HDAC9: variants seen among roughly 807,000 people sequenced by gnomAD.
HDAC9 encodes histone deacetylase 9, also known as MEF-2 interacting transcription repressor (MITR) protein.
In HDAC9, 41 loss-of-function variants were observed where a neutral mutation model predicts 139.4. The observed-to-expected ratio is 0.29, with a 90% CI of 0.23 to 0.38. The LOEUF (loss-of-function observed/expected upper bound fraction) is 0.38. Among genes scored for constraint, HDAC9 ranks in the 10% least tolerant of loss-of-function variants. The probability of loss-of-function intolerance (pLI) is 1.00; values close to 1 mark genes in which losing one functional copy is unlikely to be tolerated. For missense variants in HDAC9, 1,147 were observed against 1,297.0 expected (o/e 0.88, Z 1.78); for synonymous variants, 517 against 476.2 (o/e 1.09, Z -1.12).
intron 21 of HDAC9, among the ~76,000 whole-genome samples, chr7:18,841,934 A>G (rs1001863743): frequency 6.6e-6 from 1 of 152,164 alleles, no homozygotes; most frequent in Non-Finnish European, 1.5e-5. Flanking sequence ...GTTAAAAGAA[A>G]TATTCTTCTT....
At position 18,216,106 on chromosome 7, in the gene HDAC9, C is replaced by CTG. The variant is rs56214633; in HGVS notation, c.25+53780_25+53781dup. Among the ~76,000 whole-genome samples the CTG allele has an allele frequency of 2.7e-3, 396 of 148,036 alleles. 1 individual carries two copies. Among genetic ancestry groups the CTG allele is most frequent in the South Asian group, 0.017 (78 of 4,596 alleles). ...TGTGTGTATGTGTGTGCCTGCGTGT[C>CTG]TGTGTGTGTGTGTGTGTGTGTGTGA... On this transcript the variant is annotated intron_variant, in intron 2 of 12. Coordinates refer to the HDAC9 transcript ENST00000417496.
chr7:18,727,557 C>A (rs1384556814), intron 12 of HDAC9, 23 bp from the exon 13 acceptor site: 1 of 1,568,348 alleles, frequency 6.4e-7, no homozygotes, highest in Non-Finnish European at 8.6e-7. Flanking sequence ...TTTCTTTCTA[C>A]TGTGCTCTTT....
intron 2 of HDAC9, among the ~76,000 whole-genome samples, chr7:18,509,643 G>A (rs1800859714): frequency 6.6e-6 from 1 of 152,010 alleles, no homozygotes; most frequent in Non-Finnish European, 1.5e-5. Context: ...GTCATCACTG[G>A]GGAAAATTCT....
At chr7:18,788,775 C>G (rs550512362) in intron 16 of HDAC9, among the ~76,000 whole-genome samples, 117 of 151,460 alleles carry the variant, frequency 7.7e-4, no homozygotes, top group African/African-American at 2.7e-3. Flanking sequence ...AAAAAAGACC[C>G]AAATATCAAC....
chr7:18,600,689 A>G (rs1335002547), intron 6 of HDAC9, among the ~76,000 whole-genome samples: 1 of 152,180 alleles, frequency 6.6e-6, no homozygotes, highest in Non-Finnish European at 1.5e-5. Context: ...CTTCATAGTA[A>G]TTCTTAAAGT....
At chr7:18,558,767 A>G (rs1330963997) in intron 2 of HDAC9, among the ~76,000 whole-genome samples, 1 of 152,188 alleles carries the variant, frequency 6.6e-6, no homozygotes, top group African/African-American at 2.4e-5. Flanking sequence ...TTTAGCCTCA[A>G]ATGGTCTCGA....
chr7:18,197,649 C>A (rs1026229332), intron 2 of HDAC9, among the ~76,000 whole-genome samples: 2 of 152,120 alleles, frequency 1.3e-5, no homozygotes, highest in African/African-American at 4.8e-5. Flanking sequence ...AAAGATGAGC[C>A]AGTGTATAAA....
chr7:18,119,187 A>G (rs1482843723), intron 1 of HDAC9, among the ~76,000 whole-genome samples: 2 of 152,170 alleles, frequency 1.3e-5, no homozygotes, highest in Non-Finnish European at 1.5e-5. Flanking sequence ...GGTTACTATA[A>G]CAGAAAAGAT....
rs547808764 is a variant in HDAC9, at chr7:18,128,831, C to T, written c.-96-33398C>T. On this transcript the variant is annotated intron_variant, in intron 1 of 12. Transcript: ENST00000417496. ...ATTCTCTTTCCTTTTCCTTGTCTTC[C>T]TTCCCTCTCTTCCTGTCTCTCTTTT... 3.3e-5 allele frequency among the ~76,000 whole-genome samples: 5 copies of T among 151,990 alleles called. No individual in the cohort carries two copies. The South Asian group carries it at 1.0e-3, about 32-fold the overall frequency.
intron 1 of HDAC9, among the ~76,000 whole-genome samples, chr7:18,430,286 A>G (rs977763368): frequency 6.6e-5 from 10 of 152,088 alleles, no homozygotes; most frequent in Non-Finnish European, 1.3e-4. Context: ...TGCATTAGCA[A>G]AATTATAGCT....
At chr7:18,959,537 A>G (rs988626605) in intron 24 of HDAC9, among the ~76,000 whole-genome samples, 14 of 152,318 alleles carry the variant, frequency 9.2e-5, no homozygotes, top group African/African-American at 3.4e-4. Context: ...TTTGCCTCTG[A>G]TAAGTTGAAA....
At chr7:18,547,865 C>T (rs375144781) in intron 2 of HDAC9, among the ~76,000 whole-genome samples, 1,054 of 39,804 alleles carry the variant, frequency 0.026, 7 homozygotes, top group African/African-American at 0.036. Context: ...CCTACCCTCC[C>T]TCCCTCCCTC....
intron 12 of HDAC9, among the ~76,000 whole-genome samples, chr7:18,721,119 C>T (rs143219743): frequency 1.0e-3 from 155 of 152,038 alleles, no homozygotes; most frequent in African/African-American, 3.5e-3. Context: ...TTATGTATGA[C>T]AAACATGCCA....
chr7:18,686,452 C>T (rs1476399442), intron 12 of HDAC9, among the ~76,000 whole-genome samples: 2 of 151,920 alleles, frequency 1.3e-5, no homozygotes, highest in Non-Finnish European at 1.5e-5. Flanking sequence ...TTCTATTCAT[C>T]TCTAGTTCAT....
chr7:18,585,321 C>G lies in HDAC9; in HGVS notation c.63C>G (p.Ile21Met). ...KSEVPVGLEPISPLDLRTDLR... is the reference protein window; with the variant it reads ...KSEVPVGLEPMSPLDLRTDLR... ...AAGTTCCTGTGGGCCTGGAGCCCAT[C>G]TCACCTTTAGACCTAAGGACAGACC... is the stretch of plus-strand genomic sequence containing the variant. Residue 21 changes from isoleucine to methionine, a missense_variant, in exon 3 of 26, where the codon ATC becomes ATG. Transcript: ENST00000686413. The G allele has an allele frequency of 1.2e-6, 2 of 1,611,502 alleles. No homozygotes were observed. Among genetic ancestry groups the G allele is most frequent in the African/African-American group, 1.3e-5 (1 of 74,814 alleles).
chr7:18,552,063 T>A (rs1817331663), intron 2 of HDAC9, among the ~76,000 whole-genome samples: 2 of 152,212 alleles, frequency 1.3e-5, no homozygotes, highest in African/African-American at 2.4e-5. Flanking sequence ...GGCTTGGAAT[T>A]ATCAAGTAAT....
intron 13 of HDAC9, among the ~76,000 whole-genome samples, chr7:18,733,910 T>C (rs1192756945): frequency 6.6e-6 from 1 of 152,170 alleles, no homozygotes; most frequent in Non-Finnish European, 1.5e-5. Flanking sequence ...GTTTTTCTTT[T>C]CTGGAGATAA....
Position 18,841,003 on chromosome 7 carries a change from A to AAGT in HDAC9, c.2684+5007_2684+5009dup, listed in dbSNP as rs1402396394. ...TCCACACTGCAAGTGCTCCTTGGACAAGTCAATAATGGTCAGCCTAGAGAT... is the reference window on the plus strand; with the variant it reads ...TCCACACTGCAAGTGCTCCTTGGACAAGTAGTCAATAATGGTCAGCCTAGAGAT... On this transcript the variant is annotated intron_variant, in intron 21 of 25. Transcript: ENST00000686413. Among the ~76,000 whole-genome samples the AAGT allele has an allele frequency of 2.0e-5, 3 of 152,130 alleles. No individual in the cohort carries two copies. In the East Asian group the frequency reaches 5.8e-4, roughly 29 times the overall value.
intron 2 of HDAC9, among the ~76,000 whole-genome samples, chr7:18,569,183 TTC>T (rs1222892916): frequency 2.0e-5 from 3 of 152,242 alleles, no homozygotes; most frequent in African/African-American, 7.2e-5. Context: ...TGGCATTCAA[TTC>T]TGACTTTTTA....
Sources: gnomAD v4.1 joint callset for allele counts (sites outside exome capture counted in the v4.1 genomes callset) on GRCh38, gnomAD v4.1.1 for gene constraint, MANE v1.5 for transcripts, NCBI Gene and HGNC (gene_info 2026-07-23, HGNC 2026-07-21) for gene names.